Variants in PALLD observed in about 807,000 individuals in gnomAD.
PALLD encodes palladin, cytoskeletal associated protein.
In PALLD, 61 loss-of-function variants were observed where a neutral mutation model predicts 123.5. The observed-to-expected ratio is 0.49, with a 90% confidence interval of 0.40 to 0.61. The LOEUF is 0.61. Ranked by LOEUF, PALLD falls within the 20% of genes least tolerant of loss-of-function variation. The pLI, the probability that PALLD is intolerant of heterozygous loss-of-function variation, is 0.00. For synonymous variants in PALLD, 465 were observed against 496.4 expected (o/e 0.94, Z 0.84); for missense variants, 1,273 against 1,377.0 (o/e 0.92, Z 1.20).
chr4:168,856,230 T>G (rs1277097158), intron 10 of PALLD, among the ~76,000 whole-genome samples: 1 of 152,246 alleles, frequency 6.6e-6, no homozygotes, highest in East Asian at 1.9e-4. Context: ...CACATTGTCT[T>G]TATCCAATCC....
At chr4:168,830,924 C>A (rs1297769815) in intron 10 of PALLD, among the ~76,000 whole-genome samples, 1 of 152,206 alleles carries the variant, frequency 6.6e-6, no homozygotes, top group Non-Finnish European at 1.5e-5. Context: ...TACTGAGTGA[C>A]CACGTTACCG....
chr4:168,634,865 CT>C (rs1776185719), intron 2 of PALLD, among the ~76,000 whole-genome samples: 1 of 152,046 alleles, frequency 6.6e-6, no homozygotes, highest in Non-Finnish European at 1.5e-5. Context: ...TGTTTTTTCC[CT>C]TTTTTTCATT....
At chr4:168,707,722 A>G (rs932933611) in intron 8 of PALLD, among the ~76,000 whole-genome samples, 2 of 152,188 alleles carry the variant, frequency 1.3e-5, no homozygotes, top group Non-Finnish European at 2.9e-5. Context: ...TCTACAAAGG[A>G]AGGAATAATT....
chr4:168,802,527 G>A (rs972647630), intron 10 of PALLD, among the ~76,000 whole-genome samples: 1 of 152,208 alleles, frequency 6.6e-6, no homozygotes, highest in Non-Finnish European at 1.5e-5. Flanking sequence ...TAAACATTGA[G>A]CACACATGGA....
chr4:168,756,611 T>C (rs2150410860), intron 10 of PALLD, among the ~76,000 whole-genome samples: 1 of 152,034 alleles, frequency 6.6e-6, no homozygotes, highest in Middle Eastern at 3.4e-3. Context: ...GCATGAAAGG[T>C]GGTATTTATG....
At chr4:168,509,795 G>C (rs1176850641) in intron 1 of PALLD, among the ~76,000 whole-genome samples, 1 of 152,202 alleles carries the variant, frequency 6.6e-6, no homozygotes, top group Non-Finnish European at 1.5e-5. Flanking sequence ...CACTTAAGAA[G>C]ATGGGGTATG....
intron 10 of PALLD, among the ~76,000 whole-genome samples, chr4:168,745,197 C>T (rs1730099394): frequency 6.6e-6 from 1 of 152,176 alleles, no homozygotes; most frequent in Admixed American, 6.5e-5. Context: ...TAGCCTAATG[C>T]ATGGCACTCA....
intron 2 of PALLD, among the ~76,000 whole-genome samples, chr4:168,579,537 T>C: frequency 1.3e-5 from 2 of 151,970 alleles, no homozygotes; most frequent in East Asian, 3.9e-4. Context: ...GCATATAATA[T>C]CGGGTAGTTA....
intron 10 of PALLD, among the ~76,000 whole-genome samples, chr4:168,865,301 T>C (rs536715583): frequency 3.3e-5 from 5 of 152,392 alleles, no homozygotes; most frequent in African/African-American, 1.2e-4. Context: ...GCATCTCTTG[T>C]GCTTGCCAAA....
At chr4:168,832,237 G>T in intron 10 of PALLD, 2 of 973,136 alleles carry the variant, frequency 2.1e-6, no homozygotes, top group Non-Finnish European at 2.4e-6. Flanking sequence ...AGTGCAGCGT[G>T]CAGGGTGGGC....
intron 10 of PALLD, among the ~76,000 whole-genome samples, chr4:168,791,738 T>C (rs1581488200): frequency 6.6e-6 from 1 of 152,204 alleles, no homozygotes; most frequent in Admixed American, 6.5e-5. Flanking sequence ...ATTGAAATAA[T>C]TCTGAAGATT....
chr4:168,627,881 CA>C (rs1775450349), intron 2 of PALLD, among the ~76,000 whole-genome samples: 1 of 152,232 alleles, frequency 6.6e-6, no homozygotes, highest in Non-Finnish European at 1.5e-5. Context: ...TGCTCAGCCT[CA>C]CTCAAAATCA....
chr4:168,750,984 ATGTG>A (rs56827421), intron 10 of PALLD, among the ~76,000 whole-genome samples: 1 of 148,434 alleles, frequency 6.7e-6, no homozygotes. Flanking sequence ...TATTTTATAT[ATGTG>A]TGTGTGTGTG....
At chr4:168,884,472 G>A (rs1753066077) in intron 10 of PALLD, among the ~76,000 whole-genome samples, 1 of 152,154 alleles carries the variant, frequency 6.6e-6, no homozygotes, top group South Asian at 2.1e-4. Context: ...GGCCACCACT[G>A]TAGAGTCACC....
At chr4:168,739,147 T>TA (rs1788075389) in intron 10 of PALLD, among the ~76,000 whole-genome samples, 1 of 152,248 alleles carries the variant, frequency 6.6e-6, no homozygotes, top group Non-Finnish European at 1.5e-5. Flanking sequence ...TGTGTATATA[T>TA]ACCACATTTC....
chr4:168,778,966 G>A (rs1026600074), intron 10 of PALLD, among the ~76,000 whole-genome samples: 1 of 152,186 alleles, frequency 6.6e-6, no homozygotes, highest in Non-Finnish European at 1.5e-5. Context: ...CCGCCAAAGA[G>A]GTCCTGCTCT....
intron 2 of PALLD, among the ~76,000 whole-genome samples, 166 bp from the exon 3 acceptor site, chr4:168,668,022 TCA>T (rs1561370756): frequency 6.6e-6 from 1 of 152,246 alleles, no homozygotes; most frequent in Non-Finnish European, 1.5e-5. Context: ...GTCATTAATT[TCA>T]CAGTCTAAAT....
chr4:168,865,589 A>C (rs1199317396), intron 10 of PALLD, among the ~76,000 whole-genome samples: 1 of 152,190 alleles, frequency 6.6e-6, no homozygotes, highest in Non-Finnish European at 1.5e-5. Context: ...TTAGTTCTTC[A>C]GTTATAGGCC....
At chr4:168,717,089 G>A (rs1043202314) in intron 10 of PALLD, among the ~76,000 whole-genome samples, 14 of 151,930 alleles carry the variant, frequency 9.2e-5, no homozygotes, top group South Asian at 4.2e-4. Context: ...AATTATTTCC[G>A]ACAGTTACTT....
Sources: allele counts gnomAD v4.1 joint callset (sites outside exome capture counted in the v4.1 genomes callset), GRCh38; gene constraint gnomAD v4.1.1; transcripts MANE v1.5; gene names NCBI Gene and HGNC (gene_info 2026-07-23, HGNC 2026-07-21).